The following INPP4B variants were observed in gnomAD, a reference collection of about 807,000 sequenced individuals.
The protein encoded by INPP4B is inositol polyphosphate-4-phosphatase type II B, also known as inositol polyphosphate 4-phosphatase type II.
In INPP4B, 55 loss-of-function variants were observed where a neutral mutation model predicts 122.5. That is an observed-to-expected ratio of 0.45 (90% CI 0.36 to 0.56). The LOEUF (loss-of-function observed/expected upper bound fraction) is 0.56. Ranked by LOEUF, INPP4B falls within the 20% of genes least tolerant of loss-of-function variation. INPP4B has a pLI of 0.00. For missense variants in INPP4B, 1,000 were observed against 1,097.7 expected, an observed-to-expected ratio of 0.91 and a Z score of 1.26; for synonymous variants, 403 against 388.7, an observed-to-expected ratio of 1.04 and a Z score of -0.43.
At chr4:142,842,616 T>C (rs1783641571) in intron 1 of INPP4B, among the ~76,000 whole-genome samples, 1 of 136,166 alleles carries the variant, frequency 7.3e-6, no homozygotes, top group Non-Finnish European at 1.5e-5. Context: ...TAATATATAA[T>C]ATATTTATAT....
chr4:142,624,153 C>T (rs911299409), intron 2 of INPP4B, among the ~76,000 whole-genome samples: 1 of 151,712 alleles, frequency 6.6e-6, no homozygotes, highest in Non-Finnish European at 1.5e-5. Context: ...CACTGACTTC[C>T]ACAATGGTTG....
intron 2 of INPP4B, among the ~76,000 whole-genome samples, chr4:142,464,990 G>T (rs1451735752): frequency 1.3e-5 from 2 of 152,138 alleles, no homozygotes; most frequent in African/African-American, 4.8e-5. Flanking sequence ...TTCTGCAAAG[G>T]TGATGAGTTT....
chr4:142,686,965 G>A (rs996250621), intron 2 of INPP4B, among the ~76,000 whole-genome samples: 4 of 151,644 alleles, frequency 2.6e-5, no homozygotes, highest in African/African-American at 7.3e-5. Context: ...ATTTTGGGGC[G>A]AAAAAAGGCA....
intron 2 of INPP4B, among the ~76,000 whole-genome samples, chr4:142,652,228 A>G (rs1713947274): frequency 6.6e-6 from 1 of 152,230 alleles, no homozygotes; most frequent in African/African-American, 2.4e-5. Context: ...TCACAAAATA[A>G]TAAGAGCTAT....
intron 2 of INPP4B, among the ~76,000 whole-genome samples, chr4:142,611,822 C>A (rs1466862115): frequency 6.6e-6 from 1 of 151,570 alleles, no homozygotes; most frequent in Admixed American, 6.6e-5. Context: ...GTGCACGCCA[C>A]CATGCCTGGC....
chr4:142,200,349 C>A (rs1038860054), intron 14 of INPP4B, among the ~76,000 whole-genome samples: 4 of 151,880 alleles, frequency 2.6e-5, no homozygotes, highest in African/African-American at 9.7e-5. Context: ...CCTGACCCAG[C>A]CCTGCAATCA....
intron 2 of INPP4B, among the ~76,000 whole-genome samples, chr4:142,585,907 C>T (rs1435548661): frequency 6.6e-6 from 1 of 151,164 alleles, no homozygotes; most frequent in Non-Finnish European, 1.5e-5. Context: ...ATGTGCACAA[C>T]GGGCAGGTTT....
intron 2 of INPP4B, among the ~76,000 whole-genome samples, chr4:142,490,592 GAATAT>G (rs1304838898): frequency 6.6e-6 from 1 of 151,856 alleles, no homozygotes; most frequent in Admixed American, 6.6e-5. Flanking sequence ...CAATTTTCAA[GAATAT>G]AATATATTGT....
At chr4:142,234,673 T>C (rs1855917234) in intron 12 of INPP4B, among the ~76,000 whole-genome samples, 2 of 152,258 alleles carry the variant, frequency 1.3e-5, no homozygotes, top group Non-Finnish European at 2.9e-5. Context: ...CTGGTCATCA[T>C]AGACCCTGGT....
chr4:142,631,149 C>T (rs1197105500), intron 2 of INPP4B, among the ~76,000 whole-genome samples: 1 of 151,998 alleles, frequency 6.6e-6, no homozygotes, highest in African/African-American at 2.4e-5. Context: ...AGTAATATGA[C>T]CTCCAGATAC....
rs760414612 is a variant in INPP4B, at chr4:142,114,956, A to C, written c.2136-2274T>G. ...GTTAACTAGAATAAACAGTATAGAG[A>C]AGACCTTAAATGACCTGATGGAGCT... On this transcript the variant is annotated intron_variant, in intron 21 of 25. Transcript: ENST00000262992. 5.3e-4 allele frequency among the ~76,000 whole-genome samples: 81 copies of C among 152,084 alleles called. 2 individuals are homozygous for C. The highest frequency in any genetic ancestry group is 8.3e-4 in the South Asian group (4 of 4,822).
At position 142,402,984 on chromosome 4, in the gene INPP4B, T is replaced by G. The variant is rs1243747524; in HGVS notation, c.326A>C (p.Lys109Thr). ...GACATCATAGACTGTTAGTTTTATT[T>G]TGGTCTCCTCATAGATGGGATACTC... ...PSEYPIYEET[K>T]IKLTVYDVKD... The change falls in exon 7 of 26, where the codon AAA becomes ACA. Residue 109 changes from lysine to threonine, a missense_variant. Physicochemically the swap from Lys to Thr is moderately conservative, Grantham distance 78. Transcript: ENST00000262992. 2 of 1,607,796 alleles carry G rather than the reference T, an allele frequency of 1.2e-6. No homozygotes were observed. Among genetic ancestry groups the G allele is most frequent in the Admixed American group, 3.3e-5 (2 of 60,016 alleles).
At chr4:142,419,337 G>T (rs1039950862) in intron 5 of INPP4B, among the ~76,000 whole-genome samples, 5 of 152,154 alleles carry the variant, frequency 3.3e-5, no homozygotes, top group African/African-American at 1.2e-4. Flanking sequence ...ACCTAAAGCT[G>T]TGGGCCTTGG....
At chr4:142,780,685 G>A (rs1561060901) in intron 1 of INPP4B, among the ~76,000 whole-genome samples, 1 of 152,106 alleles carries the variant, frequency 6.6e-6, no homozygotes, top group Non-Finnish European at 1.5e-5. Context: ...TGTAATCCCA[G>A]CTACTCGGGA....
chr4:142,327,953 C>G lies in INPP4B; in HGVS notation c.373-13191G>C, dbSNP rs1185490836. 2.6e-5 allele frequency among the ~76,000 whole-genome samples: 4 copies of G among 152,130 alleles called. No individual in the cohort carries two copies. In the South Asian group the frequency reaches 8.3e-4, roughly 32 times the overall value. ...TCTCCTATGTTGCCTAAACTCAGGG[C>G]TGAAGTCACAGCAAAAGTCTGCTAC... is the stretch of plus-strand genomic sequence containing the variant. On this transcript the variant is annotated intron_variant, in intron 7 of 25. Transcript: ENST00000262992.
At chr4:142,440,667 C>T (rs1177815380) in intron 3 of INPP4B, among the ~76,000 whole-genome samples, 2 of 152,258 alleles carry the variant, frequency 1.3e-5, no homozygotes, top group South Asian at 2.1e-4. Flanking sequence ...CACTTTTTCT[C>T]TCATGGAGCT....
At chr4:142,644,280 G>C (rs1250266239) in intron 2 of INPP4B, among the ~76,000 whole-genome samples, 1 of 146,560 alleles carries the variant, frequency 6.8e-6, no homozygotes. Context: ...GGAGGAGTGG[G>C]GGAGGAGGAG....
chr4:142,424,010 T>C (rs1007768958), intron 5 of INPP4B, among the ~76,000 whole-genome samples: 2 of 152,016 alleles, frequency 1.3e-5, no homozygotes, highest in Non-Finnish European at 2.9e-5. Flanking sequence ...CTTTTTTGTA[T>C]GTTCTGAATT....
chr4:142,305,424 C>G, intron 9 of INPP4B, 34 bp downstream of exon 9: 2 of 1,501,370 alleles, frequency 1.3e-6, no homozygotes, highest in Non-Finnish European at 1.8e-6. Context: ...TTGTTATTAA[C>G]TTTAACAGTA....
Sources: allele counts gnomAD v4.1 joint callset (sites outside exome capture counted in the v4.1 genomes callset), GRCh38; gene constraint gnomAD v4.1.1; transcripts MANE v1.5; gene names NCBI Gene and HGNC (gene_info 2026-07-23, HGNC 2026-07-21).